Variants in SLC13A1 observed in about 807,000 individuals in gnomAD.
The protein encoded by SLC13A1 is solute carrier family 13 member 1, also known as Na(+)/sulfate cotransporter.
Under a neutral mutation model 70.0 loss-of-function variants are expected in SLC13A1, and 65 were observed. The observed-to-expected ratio is 0.93, with a 90% CI of 0.76 to 1.14. The LOEUF is 1.14. Among genes scored for constraint, SLC13A1 ranks in the 50% most tolerant of loss-of-function variants. The probability of loss-of-function intolerance (pLI) is 0.00; values close to 1 mark genes in which losing one functional copy is unlikely to be tolerated. For missense variants in SLC13A1, 726 were observed against 717.8 expected (o/e 1.01, Z -0.13); for synonymous variants, 275 against 250.5 (o/e 1.10, Z -0.92).
In SLC13A1 at chr7:123,125,553, A is replaced by G. The variant is rs755187188; in HGVS notation, c.1240+16T>C. 1 of 1,552,220 alleles carries G rather than the reference A, an allele frequency of 6.4e-7. No individual in the cohort carries two copies. On this transcript the variant is annotated intron_variant, in intron 11 of 14. Transcript: ENST00000194130. ...TCTTCTGTTAAATTTATGCAGAATT[A>G]TAAATGATACTCAACCAATTTCTCC... is the stretch of plus-strand genomic sequence containing the variant.
At chr7:123,182,189 C>T (rs1159476636) in intron 1 of SLC13A1, among the ~76,000 whole-genome samples, 1 of 152,260 alleles carries the variant, frequency 6.6e-6, no homozygotes, top group East Asian at 1.9e-4. Context: ...CAAAACAAAG[C>T]TGAGCCTTGA....
In SLC13A1 at chr7:123,171,819, T is replaced by G. The variant is rs769697135; in HGVS notation, c.314A>C (p.His105Pro). 1.9e-6 allele frequency: 3 copies of G among 1,613,934 alleles called. No homozygotes were observed. Residue 105 changes from histidine (H) to proline (P), a missense_variant, in exon 3 of 15, where the codon CAC becomes CCC. His to Pro is a moderately conservative substitution (Grantham distance 77, BLOSUM62 -2). Coordinates refer to ENST00000194130, the MANE Select transcript of SLC13A1 (RefSeq NM_022444.4). ...LATSIEKWNLHKRIALKMVMM... is the reference protein window; with the variant it reads ...LATSIEKWNLPKRIALKMVMM... Reference sequence around the variant, plus strand: ...CACCATTTTCAGAGCAATTCTCTTGTGCAAATTCCATTTTTCTATGGATGT... The same window carrying G: ...CACCATTTTCAGAGCAATTCTCTTGGGCAAATTCCATTTTTCTATGGATGT...
intron 2 of SLC13A1, among the ~76,000 whole-genome samples, chr7:123,180,627 T>C (rs1795606315): frequency 6.6e-6 from 1 of 152,140 alleles, no homozygotes; most frequent in Non-Finnish European, 1.5e-5. Context: ...AAATTGTTTT[T>C]CCAACACCGT....
At chr7:123,139,156 C>A (rs903694673) in intron 7 of SLC13A1, among the ~76,000 whole-genome samples, 7 of 152,052 alleles carry the variant, frequency 4.6e-5, no homozygotes, top group African/African-American at 1.4e-4. Flanking sequence ...TTCCCAGCAC[C>A]ATTTATGGAA....
chr7:123,118,003 A>T (rs1793240033), intron 13 of SLC13A1, among the ~76,000 whole-genome samples: 1 of 151,496 alleles, frequency 6.6e-6, no homozygotes, highest in Admixed American at 6.6e-5. Context: ...ATTTATATAT[A>T]TATTGAATTT....
At chr7:123,166,393 C>A (rs1414725842) in intron 6 of SLC13A1, among the ~76,000 whole-genome samples, 1 of 86,612 alleles carries the variant, frequency 1.2e-5, no homozygotes, top group Admixed American at 1.3e-4. Flanking sequence ...AAGCCCATTT[C>A]TTTATTTTTT....
At chr7:123,163,460 A>C (rs973401575) in intron 6 of SLC13A1, among the ~76,000 whole-genome samples, 1 of 152,092 alleles carries the variant, frequency 6.6e-6, no homozygotes, top group Non-Finnish European at 1.5e-5. Context: ...CAGCATAGGA[A>C]AGTGACTCTT....
chr7:123,195,695 G>A (rs778801076), intron 1 of SLC13A1, among the ~76,000 whole-genome samples: 15 of 151,668 alleles, frequency 9.9e-5, no homozygotes, highest in Admixed American at 5.3e-4. Flanking sequence ...TGACTATATC[G>A]TGAGTTTCAA....
chr7:123,117,376 G>C, intron 14 of SLC13A1, 95 bp downstream of exon 14: 1 of 1,226,836 alleles, frequency 8.2e-7, no homozygotes, highest in South Asian at 1.4e-5. Context: ...GCTTTTCCTG[G>C]TGGTTGATTG....
intron 11 of SLC13A1, 46 bp from the exon 12 acceptor site, chr7:123,123,281 A>C: frequency 8.4e-7 from 1 of 1,193,796 alleles, no homozygotes; most frequent in Non-Finnish European, 1.3e-6. Flanking sequence ...AAAATATTAC[A>C]ATATGACATT....
intron 1 of SLC13A1, chr7:123,190,434 T>C (rs568835444): frequency 4.5e-5 from 17 of 376,104 alleles, no homozygotes; most frequent in Admixed American, 1.1e-4. Flanking sequence ...ACTCCCTTTA[T>C]GAGAGAAATG....
At chr7:123,151,611 T>C (rs941962391) in intron 6 of SLC13A1, among the ~76,000 whole-genome samples, 4 of 152,158 alleles carry the variant, frequency 2.6e-5, no homozygotes, top group African/African-American at 9.6e-5. Context: ...TTCATTTACG[T>C]CTTACAATAC....
In SLC13A1 at chr7:123,134,395, G is replaced by A. The variant is rs1192287128; in HGVS notation, c.932+15C>T. On this transcript the variant is annotated intron_variant, in intron 8 of 14. Coordinates refer to ENST00000194130, the MANE Select transcript of SLC13A1 (RefSeq NM_022444.4). ...ACACCTTTATTTAGCCTATTAACAT[G>A]AAATATTTACTTACTTGAATCCTAG... is the stretch of plus-strand genomic sequence containing the variant. 3.1e-6 allele frequency: 5 copies of A among 1,610,216 alleles called. No homozygotes were observed. Among genetic ancestry groups the A allele is most frequent in the Non-Finnish European group, 4.2e-6 (5 of 1,178,124 alleles).
Position 123,129,490 on chromosome 7 carries a change from A to T in SLC13A1, c.933-9T>A. On this transcript the variant is annotated splice_polypyrimidine_tract_variant and intron_variant, in intron 8 of 14. Transcript: ENST00000194130. ...TGAACATCTCCTTAAAACTGCAAAG[A>T]ATAATTAAGCCTGTAAGCAAGAAAT... is the stretch of plus-strand genomic sequence containing the variant. The T allele has an allele frequency of 6.2e-7, 1 of 1,608,052 alleles. No individual in the cohort carries two copies. The highest frequency in any genetic ancestry group is 8.5e-7 in the Non-Finnish European group (1 of 1,174,846).
intron 1 of SLC13A1, among the ~76,000 whole-genome samples, chr7:123,194,045 T>C (rs977826625): frequency 2.0e-5 from 3 of 152,166 alleles, no homozygotes; most frequent in Non-Finnish European, 2.9e-5. Flanking sequence ...CTATCTACTA[T>C]GTGACAGGCA....
At chr7:123,154,205 A>G (rs1476100712) in intron 6 of SLC13A1, among the ~76,000 whole-genome samples, 3 of 152,150 alleles carry the variant, frequency 2.0e-5, no homozygotes, top group African/African-American at 4.8e-5. Flanking sequence ...CTTTACTTCT[A>G]TGAATTTTTA....
chr7:123,159,942 TAGTGTCATAA>T (rs1794832405), intron 6 of SLC13A1, among the ~76,000 whole-genome samples: 1 of 151,784 alleles, frequency 6.6e-6, no homozygotes, highest in Admixed American at 6.6e-5. Context: ...TAAAAGCTGG[TAGTGTCATAA>T]AGTGTTGAAA....
chr7:123,167,499 T>G (rs969500298), intron 6 of SLC13A1, among the ~76,000 whole-genome samples: 3 of 152,190 alleles, frequency 2.0e-5, no homozygotes, highest in Admixed American at 6.5e-5. Context: ...TGTTAATGCA[T>G]TCCATGGCCA....
At chr7:123,178,892 C>G (rs1795546181) in intron 2 of SLC13A1, among the ~76,000 whole-genome samples, 1 of 152,102 alleles carries the variant, frequency 6.6e-6, no homozygotes, top group Admixed American at 6.6e-5. Flanking sequence ...CAGAATGTTT[C>G]TAGAATGATC....
Sources: allele counts gnomAD v4.1 joint callset (sites outside exome capture counted in the v4.1 genomes callset), GRCh38; gene constraint gnomAD v4.1.1; transcripts MANE v1.5; gene names NCBI Gene and HGNC (gene_info 2026-07-23, HGNC 2026-07-21).